PDE1A: variants seen among roughly 807,000 people sequenced by gnomAD.
The protein encoded by PDE1A is phosphodiesterase 1A.
A neutral mutation model predicts 61.7 loss-of-function variants in PDE1A; 35 were observed. That is an observed-to-expected ratio of 0.57 (90% CI 0.43 to 0.75). The LOEUF (loss-of-function observed/expected upper bound fraction) is 0.75, where lower values mean the gene tolerates loss of function less well. PDE1A is among the 30% of genes least tolerant of loss of function. The probability of loss-of-function intolerance (pLI) is 0.00; values close to 1 mark genes in which losing one functional copy is unlikely to be tolerated. For missense variants in PDE1A, 597 were observed against 630.6 expected (o/e 0.95, Z 0.57); for synonymous variants, 232 against 213.2 (o/e 1.09, Z -0.77).
chr2:182,520,811 C>T (rs1466640473), intron 2 of PDE1A, among the ~76,000 whole-genome samples: 1 of 151,950 alleles, frequency 6.6e-6, no homozygotes, highest in South Asian at 2.1e-4. Context: ...TGTTCATCCA[C>T]TCATTAGGCT....
chr2:182,419,458 C>A (rs1232278331), intron 1 of PDE1A, among the ~76,000 whole-genome samples: 1 of 151,876 alleles, frequency 6.6e-6, no homozygotes, highest in Non-Finnish European at 1.5e-5. Flanking sequence ...GCCTTAGCCT[C>A]CCGAGTAGCT....
intron 1 of PDE1A, among the ~76,000 whole-genome samples, chr2:182,297,762 T>A (rs1329015368): frequency 3.3e-5 from 5 of 152,236 alleles, no homozygotes; most frequent in Admixed American, 1.3e-4. Context: ...TGCATGTGCC[T>A]ATGCTTCCAG....
At chr2:182,608,804 G>C in the PDE1A span, among the ~76,000 whole-genome samples, 7 of 152,382 alleles carry the variant, frequency 4.6e-5, no homozygotes, top group Middle Eastern at 6.8e-3. Flanking sequence ...GGGACTGGCA[G>C]GCAGCTCCCC....
At chr2:182,487,516 T>C (rs1464064926) in intron 2 of PDE1A, among the ~76,000 whole-genome samples, 3 of 152,206 alleles carry the variant, frequency 2.0e-5, no homozygotes, top group Non-Finnish European at 4.4e-5. Flanking sequence ...CACTGGTTAT[T>C]TAATAATCAA....
intron 1 of PDE1A, among the ~76,000 whole-genome samples, chr2:182,378,858 C>T (rs1483950739): frequency 6.6e-6 from 1 of 152,122 alleles, no homozygotes; most frequent in East Asian, 1.9e-4. Context: ...ACTACAAAAT[C>T]TTCGTATTAT....
intron 1 of PDE1A, among the ~76,000 whole-genome samples, chr2:182,298,177 G>A (rs1472429358): frequency 1.3e-5 from 2 of 152,156 alleles, no homozygotes; most frequent in African/African-American, 4.8e-5. Context: ...ACAAATGGAA[G>A]AAGATACTTA....
chr2:182,410,254 C>T (rs1414996000), intron 1 of PDE1A, among the ~76,000 whole-genome samples: 1 of 152,032 alleles, frequency 6.6e-6, no homozygotes, highest in Non-Finnish European at 1.5e-5. Context: ...GCAGTCCCAG[C>T]TACTTGAGAG....
At chr2:182,388,607 AATATTTTAAGAC>A (rs1302466860) in intron 1 of PDE1A, among the ~76,000 whole-genome samples, 1 of 152,138 alleles carries the variant, frequency 6.6e-6, no homozygotes, top group Non-Finnish European at 1.5e-5. Flanking sequence ...AAAATTTAAA[AATATTTTAAGAC>A]AAATGAAAAT....
the PDE1A span, among the ~76,000 whole-genome samples, chr2:182,701,843 A>G: frequency 1.3e-5 from 2 of 152,172 alleles, no homozygotes; most frequent in East Asian, 3.8e-4. Context: ...TATTCCAGCA[A>G]AACTAACTGA....
At chr2:182,650,819 C>T in the PDE1A span, among the ~76,000 whole-genome samples, 2 of 152,116 alleles carry the variant, frequency 1.3e-5, no homozygotes. Flanking sequence ...CAGGAAAATC[C>T]CACTGCTCCA....
chr2:182,167,883 A>G, downstream of PDE1A: 1 of 1,047,998 alleles, frequency 9.5e-7, no homozygotes, highest in East Asian at 7.4e-5. Flanking sequence ...GGACAATCTA[A>G]GGTGAAAACA....
At chr2:182,669,410 T>G in the PDE1A span, among the ~76,000 whole-genome samples, 2 of 152,192 alleles carry the variant, frequency 1.3e-5, no homozygotes, top group African/African-American at 4.8e-5. Flanking sequence ...TAACAAATAT[T>G]CCCACCAGTC....
chr2:182,407,452 G>A (rs1321558432), intron 1 of PDE1A, among the ~76,000 whole-genome samples: 7 of 151,976 alleles, frequency 4.6e-5, no homozygotes, highest in Admixed American at 4.6e-4. Context: ...TGCCATCTCA[G>A]CTCACTGCAA....
chr2:182,630,113 G>A, the PDE1A span, among the ~76,000 whole-genome samples: 2 of 151,986 alleles, frequency 1.3e-5, no homozygotes, highest in Non-Finnish European at 2.9e-5. Context: ...AATCTTCTGT[G>A]TTCTGCATTC....
chr2:182,589,911 G>C, the PDE1A span, among the ~76,000 whole-genome samples: 1 of 152,102 alleles, frequency 6.6e-6, no homozygotes. Context: ...ATAATAATCA[G>C]CCAGGCTTCC....
chr2:182,426,816 A>T, exon 1 of PDE1A: 2 of 1,415,952 alleles, frequency 1.4e-6, no homozygotes, highest in Non-Finnish European at 1.8e-6. Flanking sequence ...GTGTCCATAG[A>T]GGCCACATAA....
chr2:182,359,870 G>GATTGCCTGGAATGAC (rs1354047655), intron 1 of PDE1A, among the ~76,000 whole-genome samples: 1 of 152,120 alleles, frequency 6.6e-6, no homozygotes, highest in Non-Finnish European at 1.5e-5. Context: ...CTTATCTTGA[G>GATTGCCTGGAATGAC]ATTGCCAAGG....
downstream of PDE1A, among the ~76,000 whole-genome samples, chr2:182,165,198 T>A (rs1234253133): frequency 6.6e-6 from 1 of 152,136 alleles, no homozygotes; most frequent in Non-Finnish European, 1.5e-5. Flanking sequence ...GAAGTGGAAC[T>A]ACTTATCATC....
chr2:182,677,224 C>G, the PDE1A span, among the ~76,000 whole-genome samples: 1 of 152,144 alleles, frequency 6.6e-6, no homozygotes, highest in East Asian at 1.9e-4. Context: ...CTTCAGGATA[C>G]AAAATCAATG....
Sources: gnomAD v4.1 joint callset for allele counts (sites outside exome capture counted in the v4.1 genomes callset) on GRCh38, gnomAD v4.1.1 for gene constraint, MANE v1.5 for transcripts, NCBI Gene and HGNC (gene_info 2026-07-23, HGNC 2026-07-21) for gene names.